Variants in PDE8A observed in about 807,000 individuals in gnomAD.
PDE8A encodes the protein high affinity cAMP-specific and IBMX-insensitive 3',5'-cyclic phosphodiesterase 8A.
PDE8A carries 59 observed loss-of-function variants against 105.0 expected under a neutral mutation model. The ratio of observed to expected loss-of-function variants is 0.56; its 90% CI spans 0.46 to 0.70. The LOEUF (loss-of-function observed/expected upper bound fraction) is 0.70, where lower values mean the gene tolerates loss of function less well. Ranked by LOEUF, PDE8A falls within the 30% of genes least tolerant of loss-of-function variation. PDE8A has a pLI of 0.00. For synonymous variants in PDE8A, 355 were observed against 371.9 expected, an observed-to-expected ratio of 0.95 and a Z score of 0.52; for missense variants, 1,014 against 1,045.9, an observed-to-expected ratio of 0.97 and a Z score of 0.42.
chr15:85,040,232 C>T (rs922414325), intron 1 of PDE8A, among the ~76,000 whole-genome samples: 1 of 151,944 alleles, frequency 6.6e-6, no homozygotes, highest in East Asian at 1.9e-4. Context: ...CACTTGAGCC[C>T]AGGAGTTCCA....
intron 2 of PDE8A, among the ~76,000 whole-genome samples, chr15:85,065,776 C>G (rs1290980671): frequency 1.3e-5 from 2 of 152,220 alleles, no homozygotes; most frequent in Non-Finnish European, 2.9e-5. Context: ...AGCACGGGTG[C>G]TCCTGAACCA....
chr15:85,005,052 A>G (rs1332466039), intron 1 of PDE8A, among the ~76,000 whole-genome samples: 1 of 152,040 alleles, frequency 6.6e-6, no homozygotes, highest in Non-Finnish European at 1.5e-5. Flanking sequence ...AGTATATAGA[A>G]TACATTTATC....
chr15:85,063,540 T>G (rs1018473852), intron 1 of PDE8A: 1 of 152,234 alleles, frequency 6.6e-6, no homozygotes, highest in Non-Finnish European at 1.5e-5. Flanking sequence ...ATTCAAATCT[T>G]CTGGTGGTCC....
intron 1 of PDE8A, among the ~76,000 whole-genome samples, chr15:84,994,062 C>T (rs2079935968): frequency 6.6e-6 from 1 of 152,138 alleles, no homozygotes; most frequent in African/African-American, 2.4e-5. Context: ...TGTCTCTTCA[C>T]TTTTCTTTTA....
In PDE8A at chr15:85,109,019, C is replaced by G. The variant is rs116982529; in HGVS notation, c.1037-34C>G. On this transcript the variant is annotated intron_variant, in intron 11 of 21. Transcript: ENST00000394553. ...CTTCCTTAATATGTTGTTTAAATAT[C>G]TTTGAAGAGGTGATTTATCATTTGT... 1,033 of 1,427,100 alleles carry G rather than the reference C, an allele frequency of 7.2e-4. 23 individuals carry two copies. The East Asian group carries it at 0.018, about 25-fold the overall frequency. 88.4% of individuals were successfully genotyped at this position (1,427,100 alleles called of 1,614,324 possible).
At chr15:85,105,327 G>C (rs2081931821) in intron 11 of PDE8A, among the ~76,000 whole-genome samples, 1 of 152,118 alleles carries the variant, frequency 6.6e-6, no homozygotes, top group African/African-American at 2.4e-5. Context: ...CAGTTTGGAG[G>C]TGGCCCTGTT....
At chr15:85,065,077 G>A (rs1209725800) in intron 2 of PDE8A, among the ~76,000 whole-genome samples, 1 of 152,104 alleles carries the variant, frequency 6.6e-6, no homozygotes, top group Admixed American at 6.6e-5. Context: ...CAAAGCAAAG[G>A]TGGCAAAATG....
intron 6 of PDE8A, among the ~76,000 whole-genome samples, chr15:85,088,425 G>C (rs895057398): frequency 1.3e-5 from 2 of 152,218 alleles, no homozygotes; most frequent in African/African-American, 4.8e-5. Context: ...ATTCATGTTA[G>C]GGCATATATC....
At chr15:85,021,752 G>A (rs965437751) in intron 1 of PDE8A, among the ~76,000 whole-genome samples, 11 of 152,308 alleles carry the variant, frequency 7.2e-5, no homozygotes, top group South Asian at 4.1e-4. Context: ...AGATCTAGAT[G>A]TTTTTGAAGA....
At chr15:85,067,284 C>T (rs2081244884) in intron 3 of PDE8A, 80 bp downstream of exon 3, 3 of 1,013,932 alleles carry the variant, frequency 3.0e-6, no homozygotes, top group Middle Eastern at 2.9e-4. Flanking sequence ...TTAAATTAGA[C>T]TCACTCTCTT....
intron 1 of PDE8A, among the ~76,000 whole-genome samples, chr15:85,053,104 CA>C (rs1429779953): frequency 6.6e-6 from 1 of 152,104 alleles, no homozygotes; most frequent in African/African-American, 2.4e-5. Context: ...TTGTTTTTGT[CA>C]GGTTTGTCAA....
intron 1 of PDE8A, among the ~76,000 whole-genome samples, chr15:85,018,549 T>G (rs1203712656): frequency 6.6e-6 from 1 of 152,116 alleles, no homozygotes; most frequent in Non-Finnish European, 1.5e-5. Context: ...CACATCATCT[T>G]TTTTTTAGTA....
At chr15:85,077,857 C>T (rs770685921) in intron 5 of PDE8A, among the ~76,000 whole-genome samples, 8 of 151,802 alleles carry the variant, frequency 5.3e-5, no homozygotes, top group Non-Finnish European at 7.4e-5. Context: ...AATGAAAACA[C>T]AGTAATTGAA....
intron 1 of PDE8A, among the ~76,000 whole-genome samples, chr15:85,037,065 ATTTTTTTTTT>A (rs756347084): frequency 7.1e-6 from 1 of 141,474 alleles, no homozygotes; most frequent in Admixed American, 7.1e-5. Flanking sequence ...TACTGGACTA[ATTTTTTTTTT>A]TTTTTTGGAG....
At chr15:85,113,472 C>A in intron 13 of PDE8A, 25 bp downstream of exon 13, 1 of 1,572,300 alleles carries the variant, frequency 6.4e-7, no homozygotes, top group Non-Finnish European at 8.8e-7. Context: ...GGTCTGTCTC[C>A]ATTGAGCACA....
At chr15:85,134,547 C>CT (rs2082376912) in intron 20 of PDE8A, among the ~76,000 whole-genome samples, 1 of 5,460 alleles carries the variant, frequency 1.8e-4, no homozygotes, top group Non-Finnish European at 2.8e-4. Flanking sequence ...TTCCCCACTC[C>CT]TCTTACCAAA....
At chr15:85,135,332 C>T (rs1462773881) in intron 20 of PDE8A, among the ~76,000 whole-genome samples, 1 of 152,140 alleles carries the variant, frequency 6.6e-6, no homozygotes, top group Non-Finnish European at 1.5e-5. Flanking sequence ...TCCCTTACCA[C>T]ACCTGGCCCA....
At chr15:84,987,570 G>A (rs2079824195) in intron 1 of PDE8A, among the ~76,000 whole-genome samples, 1 of 150,824 alleles carries the variant, frequency 6.6e-6, no homozygotes, top group Non-Finnish European at 1.5e-5. Context: ...CTCCCGGGTC[G>A]AAGCAATTCG....
At chr15:85,057,536 A>G (rs2081081253) in intron 1 of PDE8A, among the ~76,000 whole-genome samples, 1 of 152,088 alleles carries the variant, frequency 6.6e-6, no homozygotes, top group African/African-American at 2.4e-5. Context: ...CATGGGCTGC[A>G]CTTACTGTCC....
Sources: gnomAD v4.1 joint callset for allele counts (sites outside exome capture counted in the v4.1 genomes callset) on GRCh38, gnomAD v4.1.1 for gene constraint, MANE v1.5 for transcripts, NCBI Gene and HGNC (gene_info 2026-07-23, HGNC 2026-07-21) for gene names.